ZNF420: variants seen among roughly 807,000 people sequenced by gnomAD.
ZNF420 encodes ATM and p53-associated KZNF protein.
A neutral mutation model predicts 44.7 loss-of-function variants in ZNF420; 31 were observed. That is an observed-to-expected ratio of 0.69 (90% CI 0.52 to 0.94). The LOEUF (loss-of-function observed/expected upper bound fraction) is 0.94, where lower values mean the gene tolerates loss of function less well. Ranked by LOEUF, ZNF420 falls within the 40% of genes least tolerant of loss-of-function variation. ZNF420 has a pLI of 0.00. For missense variants in ZNF420, 681 were observed against 827.9 expected (o/e 0.82, Z 2.18); for synonymous variants, 245 against 267.4 (o/e 0.92, Z 0.82).
At chr19:37,101,337 A>T (rs1208307657) in intron 4 of ZNF420, among the ~76,000 whole-genome samples, 1 of 152,180 alleles carries the variant, frequency 6.6e-6, no homozygotes, top group Non-Finnish European at 1.5e-5. Flanking sequence ...TCTACTAAAA[A>T]TACAAAAATT....
In ZNF420 at chr19:37,051,728, G is replaced by A. The variant is rs549951438; in HGVS notation, c.-124-28617G>A. 3.8e-4 allele frequency among the ~76,000 whole-genome samples: 58 copies of A among 152,114 alleles called. 2 individuals are homozygous for A. In the South Asian group the frequency reaches 0.012, roughly 31 times the overall value. ...TTGTGTCTCTATTTCCTTCAGTTCTGCTCTGATCTTAGGTGTTTCTTGCCT... is the reference window on the plus strand; with the variant it reads ...TTGTGTCTCTATTTCCTTCAGTTCTACTCTGATCTTAGGTGTTTCTTGCCT... On this transcript the variant is annotated intron_variant, in intron 1 of 4. Transcript: ENST00000587029.
chr19:37,053,321 T>C (rs2146427347), intron 1 of ZNF420, among the ~76,000 whole-genome samples: 1 of 152,352 alleles, frequency 6.6e-6, no homozygotes, highest in African/African-American at 2.4e-5. Flanking sequence ...CTCCTTTAGC[T>C]CAGAGTAGTT....
At position 37,011,344 on chromosome 19, in the gene ZNF420, G is replaced by A. The variant is rs891641445; in HGVS notation, c.-125+3262G>A. Among the ~76,000 whole-genome samples, 41 of 152,312 alleles carry A rather than the reference G, an allele frequency of 2.7e-4. 1 individual carries two copies. The highest frequency in any genetic ancestry group is 1.0e-3 in the South Asian group (5 of 4,824). Reference sequence around the variant, plus strand: ...TCTCCATGTTTCATGGGATGGCTGCGTGGCTGGCCTTGGCTTCTAGGAAAG... The same window carrying A: ...TCTCCATGTTTCATGGGATGGCTGCATGGCTGGCCTTGGCTTCTAGGAAAG... On this transcript the variant is annotated intron_variant, in intron 1 of 4. Coordinates refer to the ZNF420 transcript ENST00000587029.
At chr19:37,022,272 T>C (rs1305498046) in intron 1 of ZNF420, among the ~76,000 whole-genome samples, 3 of 151,788 alleles carry the variant, frequency 2.0e-5, no homozygotes, top group Non-Finnish European at 4.4e-5. Flanking sequence ...CTTAAATATA[T>C]AATTAAATGT....
chr19:37,117,525 A>G (rs1195826525), intron 4 of ZNF420, among the ~76,000 whole-genome samples: 1 of 152,144 alleles, frequency 6.6e-6, no homozygotes, highest in Non-Finnish European at 1.5e-5. Context: ...TGGGGAAAAA[A>G]CAGAGCAGAA....
At chr19:37,028,390 G>A (rs1967191274) in intron 1 of ZNF420, among the ~76,000 whole-genome samples, 1 of 152,140 alleles carries the variant, frequency 6.6e-6, no homozygotes, top group African/African-American at 2.4e-5. Context: ...ATACCTGGTT[G>A]TCCATAAATA....
chr19:37,071,228 G>A (rs1968052245), intron 1 of ZNF420, among the ~76,000 whole-genome samples: 1 of 152,108 alleles, frequency 6.6e-6, no homozygotes, highest in South Asian at 2.1e-4. Context: ...ATATAGTCAA[G>A]CAATGGAATA....
chr19:37,061,062 G>A (rs537448487), intron 1 of ZNF420, among the ~76,000 whole-genome samples: 2 of 152,178 alleles, frequency 1.3e-5, no homozygotes, highest in South Asian at 4.1e-4. Flanking sequence ...TATGATTTTC[G>A]TTGGCATCGA....
At chr19:37,064,282 A>G (rs1209778162) in intron 1 of ZNF420, among the ~76,000 whole-genome samples, 1 of 152,208 alleles carries the variant, frequency 6.6e-6, no homozygotes, top group Non-Finnish European at 1.5e-5. Context: ...TTCTTCATCA[A>G]ACTTTCAATT....
chr19:37,060,658 C>T lies in ZNF420; in HGVS notation c.-124-19687C>T, dbSNP rs112137769. Among the ~76,000 whole-genome samples the T allele has an allele frequency of 9.1e-3, 1,384 of 152,052 alleles. 23 individuals carry two copies. Among genetic ancestry groups the T allele is most frequent in the African/African-American group, 0.032 (1,327 of 41,440 alleles). On this transcript the variant is annotated intron_variant, in intron 1 of 4. Transcript: ENST00000587029. ...GATCCTGGAGCTCTTGGCTCCCATA[C>T]GTGTCTCAGACAGGGAAGCTACCTT...
At chr19:37,110,742 G>A (rs1040012494) in intron 4 of ZNF420, among the ~76,000 whole-genome samples, 2 of 152,130 alleles carry the variant, frequency 1.3e-5, no homozygotes. Context: ...TTGATACTGA[G>A]TTTTGATTAC....
At chr19:37,075,388 T>G (rs1168616957), upstream of ZNF420, among the ~76,000 whole-genome samples, 1 of 152,148 alleles carries the variant, frequency 6.6e-6, no homozygotes, top group African/African-American at 2.4e-5. Flanking sequence ...AACCAACGTC[T>G]CTATTGACTT....
chr19:37,027,634 A>G (rs1462861012), intron 1 of ZNF420, among the ~76,000 whole-genome samples: 1 of 152,082 alleles, frequency 6.6e-6, no homozygotes, highest in Non-Finnish European at 1.5e-5. Context: ...CCATCTGCCT[A>G]GTTTTGCCTT....
intron 1 of ZNF420, among the ~76,000 whole-genome samples, chr19:37,043,940 T>G (rs1454797890): frequency 6.6e-6 from 1 of 152,216 alleles, no homozygotes; most frequent in Non-Finnish European, 1.5e-5. Context: ...AAAGACTCCA[T>G]GACAAAGAGA....
chr19:37,116,225 C>T (rs966783100), intron 4 of ZNF420, among the ~76,000 whole-genome samples: 7 of 151,770 alleles, frequency 4.6e-5, no homozygotes, highest in African/African-American at 7.3e-5. Context: ...AAAAATTTAG[C>T]CAGGCATGAT....
chr19:37,037,143 G>A (rs1032440617), intron 1 of ZNF420, among the ~76,000 whole-genome samples: 1 of 108,080 alleles, frequency 9.3e-6, no homozygotes. Flanking sequence ...GCACCATTTG[G>A]ACAAGCAGTT....
chr19:37,068,269 A>C (rs1024720188), intron 1 of ZNF420, among the ~76,000 whole-genome samples: 22 of 152,204 alleles, frequency 1.4e-4, no homozygotes, highest in African/African-American at 5.3e-4. Context: ...GGGGGAACCA[A>C]ACTGAAGAAA....
chr19:37,122,786 T>C (rs1164155341), intron 4 of ZNF420, among the ~76,000 whole-genome samples: 1 of 152,180 alleles, frequency 6.6e-6, no homozygotes, highest in African/African-American at 2.4e-5. Flanking sequence ...CTTCCCCTTC[T>C]GTTTTGTATA....
chr19:37,097,432 T>C (rs1484040919), intron 4 of ZNF420, among the ~76,000 whole-genome samples: 1 of 152,170 alleles, frequency 6.6e-6, no homozygotes, highest in African/African-American at 2.4e-5. Context: ...CTTTTCTGTT[T>C]GTACCTTTAA....
Sources: gnomAD v4.1 joint callset for allele counts (sites outside exome capture counted in the v4.1 genomes callset) on GRCh38, gnomAD v4.1.1 for gene constraint, MANE v1.5 for transcripts, NCBI Gene and HGNC (gene_info 2026-07-23, HGNC 2026-07-21) for gene names.